Variants in NIPAL2 observed in about 807,000 individuals in gnomAD.
NIPAL2 encodes NIPA like domain containing 2.
NIPAL2 carries 43 observed loss-of-function variants against 48.9 expected under a neutral mutation model. That is an observed-to-expected ratio of 0.88 (90% CI 0.69 to 1.13). The LOEUF (loss-of-function observed/expected upper bound fraction) is 1.13, where lower values mean the gene tolerates loss of function less well. Ranked by LOEUF, NIPAL2 falls within the 50% of genes most tolerant of loss-of-function variation. The pLI, the probability that NIPAL2 is intolerant of heterozygous loss-of-function variation, is 0.00. For missense variants in NIPAL2, 446 were observed against 461.4 expected, an observed-to-expected ratio of 0.97 and a Z score of 0.31; for synonymous variants, 167 against 174.6, an observed-to-expected ratio of 0.96 and a Z score of 0.34.
chr8:98,208,196 T>C (rs547610727), intron 6 of NIPAL2, among the ~76,000 whole-genome samples: 1 of 152,372 alleles, frequency 6.6e-6, no homozygotes, highest in South Asian at 2.1e-4. Context: ...TTACCATGTA[T>C]ACTTTCATCA....
intron 8 of NIPAL2, among the ~76,000 whole-genome samples, chr8:98,201,446 G>A (rs1340389149): frequency 1.3e-5 from 2 of 152,090 alleles, no homozygotes; most frequent in East Asian, 3.9e-4. Flanking sequence ...GAGCAGTGGT[G>A]TGACTATAGC....
chr8:98,202,738 A>G (rs990660995), intron 8 of NIPAL2, among the ~76,000 whole-genome samples: 1 of 152,234 alleles, frequency 6.6e-6, no homozygotes, highest in East Asian at 1.9e-4. Context: ...CGTCTCAGGT[A>G]TTCCTTTATA....
At chr8:98,255,425 C>G (rs1813830823) in intron 1 of NIPAL2, among the ~76,000 whole-genome samples, 1 of 152,052 alleles carries the variant, frequency 6.6e-6, no homozygotes, top group South Asian at 2.1e-4. Context: ...CACAAAGAAC[C>G]CTTTTCAGAA....
intron 1 of NIPAL2, among the ~76,000 whole-genome samples, chr8:98,280,253 G>A (rs2130898632): frequency 6.6e-6 from 1 of 152,286 alleles, no homozygotes; most frequent in Non-Finnish European, 1.5e-5. Context: ...GATCCCAGTG[G>A]AGCTAGTACA....
chr8:98,284,660 A>G (rs1816054542), intron 1 of NIPAL2, among the ~76,000 whole-genome samples: 1 of 152,170 alleles, frequency 6.6e-6, no homozygotes, highest in Non-Finnish European at 1.5e-5. Context: ...GCCCCAAAAC[A>G]GCCCTGGAAC....
intron 3 of NIPAL2, among the ~76,000 whole-genome samples, chr8:98,244,750 T>C (rs1228270026): frequency 6.6e-6 from 1 of 152,150 alleles, no homozygotes; most frequent in African/African-American, 2.4e-5. Flanking sequence ...AATCTGATTC[T>C]TTAGCCAAAA....
At chr8:98,220,159 C>G (rs1811781585) in intron 5 of NIPAL2, among the ~76,000 whole-genome samples, 1 of 151,808 alleles carries the variant, frequency 6.6e-6, no homozygotes, top group Non-Finnish European at 1.5e-5. Context: ...TTCTAGTGGT[C>G]AGAATACATA....
intron 3 of NIPAL2, among the ~76,000 whole-genome samples, chr8:98,242,790 C>A (rs551656339): frequency 6.6e-6 from 1 of 151,928 alleles, no homozygotes; most frequent in Non-Finnish European, 1.5e-5. Flanking sequence ...GGTCTTTTGC[C>A]TAAATATTCT....
intron 3 of NIPAL2, among the ~76,000 whole-genome samples, chr8:98,246,266 T>C (rs951174549): frequency 1.3e-5 from 2 of 152,198 alleles, no homozygotes; most frequent in African/African-American, 4.8e-5. Context: ...AGTTTAGGGC[T>C]TCATAACAGC....
chr8:98,256,736 C>T (rs114327626), intron 1 of NIPAL2, among the ~76,000 whole-genome samples: 1 of 152,176 alleles, frequency 6.6e-6, no homozygotes, highest in East Asian at 1.9e-4. Context: ...TGGAAAATGG[C>T]GTGGAGATTC....
At chr8:98,280,761 T>TATATATATATATATATATAGAGAGAG in intron 1 of NIPAL2, among the ~76,000 whole-genome samples, 21 of 30,012 alleles carry the variant, frequency 7.0e-4, no homozygotes, top group African/African-American at 9.1e-4. Flanking sequence ...TATATATATA[T>TATATATATATATATATATAGAGAGAG]AGAGAGAGAG....
rs186244559 is a variant in NIPAL2, at chr8:98,281,903, T to G, written c.135+12100A>C. Among the ~76,000 whole-genome samples, 9 of 152,332 alleles carry G rather than the reference T, an allele frequency of 5.9e-5. No individual in the cohort carries two copies. In the East Asian group the frequency reaches 1.7e-3, roughly 29 times the overall value. ...GAGGCTAGAAGTCCAAATTCAACTTTATTGGGCTGAAATCAAAGAGTCAGG... is the reference window on the plus strand; with the variant it reads ...GAGGCTAGAAGTCCAAATTCAACTTGATTGGGCTGAAATCAAAGAGTCAGG... On this transcript the variant is annotated intron_variant, in intron 1 of 10. Coordinates refer to ENST00000430223, the MANE Select transcript of NIPAL2 (RefSeq NM_001321635.2).
intron 1 of NIPAL2, among the ~76,000 whole-genome samples, chr8:98,282,423 C>T (rs1728063207): frequency 6.6e-6 from 1 of 152,000 alleles, no homozygotes; most frequent in African/African-American, 2.4e-5. Context: ...GCAAGGAGAC[C>T]AGGGAACAGG....
Position 98,192,922 on chromosome 8 carries a change from C to A in NIPAL2, c.*56G>T, listed in dbSNP as rs1810361752. 2 of 1,090,582 alleles carry A rather than the reference C, an allele frequency of 1.8e-6. No individual in the cohort carries two copies. The highest frequency in any genetic ancestry group is 3.1e-5 in the African/African-American group (2 of 64,640). 67.6% of individuals were successfully genotyped at this position (1,090,582 alleles called of 1,614,324 possible). On this transcript the variant is annotated 3_prime_UTR_variant, in exon 11 of 11. Transcript: ENST00000430223. ...GCTGCTGACACAAATTGAACATGTG[C>A]AATTTTTTAAAAAGGTGGTATCGAA...
At chr8:98,250,996 T>C (rs1210975937) in intron 3 of NIPAL2, among the ~76,000 whole-genome samples, 1 of 152,118 alleles carries the variant, frequency 6.6e-6, no homozygotes, top group Non-Finnish European at 1.5e-5. Flanking sequence ...ATCTTTACAA[T>C]ATTTCCCCTT....
intron 8 of NIPAL2, among the ~76,000 whole-genome samples, chr8:98,201,874 C>T (rs1810819109): frequency 6.6e-6 from 1 of 152,004 alleles, no homozygotes; most frequent in African/African-American, 2.4e-5. Flanking sequence ...CTGACAGTCA[C>T]ATTGTTTTCC....
Position 98,192,986 on chromosome 8 carries a change from C to T in NIPAL2, c.1144G>A (p.Glu382Lys), listed in dbSNP as rs1020724649. Residue 382 changes from glutamate to lysine, a missense_variant, in exon 11 of 11, where the codon GAG becomes AAG. Physicochemically the swap from Glu to Lys is moderately conservative, Grantham distance 56. Coordinates refer to ENST00000430223, the MANE Select transcript of NIPAL2 (RefSeq NM_001321635.2). ...STKSQSGEKK[E>K]V is the part of the protein sequence containing the mutation. ...GCCATCCTTCTCAGCATTTAGACCTCTTTCTTCTCTCCACTTTGGCTCTTT... is the reference window on the plus strand; with the variant it reads ...GCCATCCTTCTCAGCATTTAGACCTTTTTCTTCTCTCCACTTTGGCTCTTT... 11 of 1,609,508 alleles carry T rather than the reference C, an allele frequency of 6.8e-6. No individual in the cohort carries two copies. The African/African-American group carries it at 1.1e-4, about 16-fold the overall frequency.
intron 1 of NIPAL2, among the ~76,000 whole-genome samples, chr8:98,261,994 A>T (rs2130854220): frequency 9.8e-6 from 1 of 102,088 alleles, no homozygotes; most frequent in Non-Finnish European, 2.0e-5. Flanking sequence ...AAAGAAAAGA[A>T]TTTTCAACCC....
chr8:98,258,951 ATGG>A (rs1365268770), intron 1 of NIPAL2, among the ~76,000 whole-genome samples: 3 of 152,056 alleles, frequency 2.0e-5, no homozygotes, highest in Non-Finnish European at 2.9e-5. Context: ...ATTAAAAAAA[ATGG>A]TGGCAGGATT....
Sources: gnomAD v4.1 joint callset for allele counts (sites outside exome capture counted in the v4.1 genomes callset) on GRCh38, gnomAD v4.1.1 for gene constraint, MANE v1.5 for transcripts, NCBI Gene and HGNC (gene_info 2026-07-23, HGNC 2026-07-21) for gene names.